Variants in AKAP6 observed in about 807,000 individuals in gnomAD.
AKAP6 encodes the protein A-kinase anchoring protein 6.
Under a neutral mutation model 188.5 loss-of-function variants are expected in AKAP6, and 58 were observed. The observed-to-expected ratio is 0.31, with a 90% CI of 0.25 to 0.38. The LOEUF is 0.38. Among genes scored for constraint, AKAP6 ranks in the 10% least tolerant of loss-of-function variants. AKAP6 has a pLI of 1.00. For synonymous variants in AKAP6, 989 were observed against 998.6 expected, an observed-to-expected ratio of 0.99 and a Z score of 0.18; for missense variants, 2,710 against 2,740.0, an observed-to-expected ratio of 0.99 and a Z score of 0.24.
intron 12 of AKAP6, among the ~76,000 whole-genome samples, chr14:32,804,489 G>C (rs1010478526): frequency 6.6e-6 from 1 of 152,140 alleles, no homozygotes; most frequent in Non-Finnish European, 1.5e-5. Context: ...TAGGTACAAA[G>C]ATCACATGCT....
At chr14:32,820,136 T>C (rs72669866) in intron 12 of AKAP6, among the ~76,000 whole-genome samples, 10,682 of 152,018 alleles carry the variant, frequency 0.07, 424 homozygotes, top group South Asian at 0.15. Context: ...GTCATGCATA[T>C]GGTAAGCAGC....
intron 9 of AKAP6, among the ~76,000 whole-genome samples, chr14:32,709,322 T>A (rs1026924965): frequency 3.3e-5 from 5 of 151,840 alleles, no homozygotes; most frequent in Non-Finnish European, 4.4e-5. Context: ...ACGATTTTTT[T>A]TTTTAATCTG....
At chr14:32,565,288 CTA>C (rs1340823680) in intron 4 of AKAP6, among the ~76,000 whole-genome samples, 2 of 152,160 alleles carry the variant, frequency 1.3e-5, no homozygotes, top group Non-Finnish European at 2.9e-5. Flanking sequence ...TCCTGCAAAA[CTA>C]TTTTTGTAAT....
intron 9 of AKAP6, among the ~76,000 whole-genome samples, chr14:32,705,323 C>A (rs1293167068): frequency 6.6e-6 from 1 of 152,032 alleles, no homozygotes; most frequent in Admixed American, 6.6e-5. Context: ...ATTTTAATAT[C>A]TAGCTAAAAT....
At chr14:32,715,667 G>C (rs2030153693) in intron 9 of AKAP6, among the ~76,000 whole-genome samples, 1 of 151,774 alleles carries the variant, frequency 6.6e-6, no homozygotes, top group African/African-American at 2.4e-5. Flanking sequence ...CATGTTCCTA[G>C]GATTTTACCA....
chr14:32,790,015 G>A (rs944646067), intron 12 of AKAP6, among the ~76,000 whole-genome samples: 18 of 152,208 alleles, frequency 1.2e-4, no homozygotes, highest in Admixed American at 5.2e-4. Flanking sequence ...AGCCAGTTTA[G>A]AGAGGAACAT....
Position 32,773,748 on chromosome 14 carries a change from T to C in AKAP6, c.3443T>C (p.Leu1148Ser). ...ATTCTGCGACTATGCCAGCATCTTT[T>C]GGATGACCGGGAGACTTGCAATCTG... ...ASILRLCQHL[L>S]DDRETCNLNA... Residue 1148 changes from leucine to serine, a missense_variant, in exon 12 of 14, where the codon TTG (leucine) becomes TCG (serine). Leu to Ser is a moderately radical substitution (Grantham distance 145, BLOSUM62 -2). Transcript: ENST00000280979. 1 of 1,614,140 alleles carries C rather than the reference T, an allele frequency of 6.2e-7. No individual in the cohort carries two copies. Among genetic ancestry groups the C allele is most frequent in the East Asian group, 2.2e-5 (1 of 44,882 alleles).
chr14:32,599,819 T>A (rs562156652), intron 6 of AKAP6, among the ~76,000 whole-genome samples: 1 of 152,272 alleles, frequency 6.6e-6, no homozygotes, highest in African/African-American at 2.4e-5. Flanking sequence ...GGAAATAACA[T>A]TAAGACAATG....
chr14:32,527,160 T>G (rs1472957899), intron 2 of AKAP6, among the ~76,000 whole-genome samples: 2 of 152,242 alleles, frequency 1.3e-5, no homozygotes, highest in Non-Finnish European at 2.9e-5. Context: ...GCTTTGCCTT[T>G]TCCGGAATGT....
chr14:32,694,285 C>T (rs1016448717), intron 8 of AKAP6, among the ~76,000 whole-genome samples: 8 of 151,426 alleles, frequency 5.3e-5, no homozygotes, highest in East Asian at 2.0e-4. Context: ...GGTGTGAACC[C>T]GGGAGGCGGA....
At chr14:32,533,634 A>G (rs982736986) in intron 2 of AKAP6, among the ~76,000 whole-genome samples, 1 of 152,206 alleles carries the variant, frequency 6.6e-6, no homozygotes, top group African/African-American at 2.4e-5. Context: ...GCACAGAACA[A>G]CACAGAAATG....
intron 2 of AKAP6, among the ~76,000 whole-genome samples, chr14:32,515,533 A>G (rs750989038): frequency 2.6e-5 from 4 of 152,150 alleles, no homozygotes; most frequent in Non-Finnish European, 4.4e-5. Flanking sequence ...TTATGGGTGG[A>G]GTACACAAAA....
intron 7 of AKAP6, among the ~76,000 whole-genome samples, chr14:32,660,925 C>CG (rs1491272831): frequency 5.1e-5 from 2 of 39,466 alleles, no homozygotes; most frequent in Non-Finnish European, 8.9e-5. Context: ...TTCCCCGCCA[C>CG]CCCCCCCCCT....
chr14:32,817,491 T>TTG (rs3033323), intron 12 of AKAP6, among the ~76,000 whole-genome samples: 5,165 of 145,390 alleles, frequency 0.036, 215 homozygotes, highest in African/African-American at 0.11. Flanking sequence ...GTGTCTGTGT[T>TTG]TGTGTGTGTG....
chr14:32,480,567 A>T (rs1467459378), intron 2 of AKAP6, among the ~76,000 whole-genome samples: 1 of 152,212 alleles, frequency 6.6e-6, no homozygotes, highest in African/African-American at 2.4e-5. Context: ...TGAGGGAAGG[A>T]AGCAGTTTGG....
In AKAP6 at chr14:32,545,492, A is replaced by C. The variant is rs1429696677; in HGVS notation, c.839A>C (p.Asp280Ala). The part of the protein sequence containing the change: ...RSVGLLTVAA[D>A]SISTNGSEAV... ...GTTGGTTTACTTACGGTAGCTGCTG[A>C]CTCTATCTCTACCAATGGCAGTGAA... Residue 280 changes from aspartate to alanine, a missense_variant, in exon 4 of 14, where the codon GAC becomes GCC. This residue lies in a region of AKAP6 where 2,473 missense variants were observed against 2,426.1 expected (regional missense o/e 1.02). Coordinates refer to ENST00000280979, the MANE Select transcript of AKAP6 (RefSeq NM_004274.5). 6.2e-7 allele frequency: 1 copy of C among 1,614,080 alleles called. No homozygotes were observed. Among genetic ancestry groups the C allele is most frequent in the Admixed American group, 1.7e-5 (1 of 60,016 alleles).
chr14:32,646,931 G>A (rs1335496271), intron 7 of AKAP6, among the ~76,000 whole-genome samples: 1 of 151,996 alleles, frequency 6.6e-6, no homozygotes, highest in Admixed American at 6.6e-5. Flanking sequence ...ATATATCACT[G>A]GTAAAAATAA....
At chr14:32,714,585 T>G (rs960232953) in intron 9 of AKAP6, among the ~76,000 whole-genome samples, 1 of 152,032 alleles carries the variant, frequency 6.6e-6, no homozygotes, top group Non-Finnish European at 1.5e-5. Flanking sequence ...GCAGATAACT[T>G]CCATTGGATT....
chr14:32,429,834 G>T (rs1182705022), intron 1 of AKAP6, among the ~76,000 whole-genome samples: 1 of 152,200 alleles, frequency 6.6e-6, no homozygotes, highest in Non-Finnish European at 1.5e-5. Context: ...TTGGCAGCTT[G>T]AATGTAAGAT....
Sources: gnomAD v4.1 joint callset for allele counts (sites outside exome capture counted in the v4.1 genomes callset) on GRCh38, gnomAD v4.1.1 for gene constraint, gnomAD v4.1.1 regional missense constraint, MANE v1.5 for transcripts, NCBI Gene and HGNC (gene_info 2026-07-23, HGNC 2026-07-21) for gene names.